TBC1D2B: variants seen among roughly 807,000 people sequenced by gnomAD.
TBC1D2B encodes TBC1 domain family, member 2B.
In TBC1D2B, 64 loss-of-function variants were observed where a neutral mutation model predicts 100.8. The observed-to-expected ratio is 0.64, with a 90% CI of 0.52 to 0.78. TBC1D2B has a LOEUF of 0.78. Ranked by LOEUF, TBC1D2B falls within the 30% of genes least tolerant of loss-of-function variation. The pLI is 0.00. For synonymous variants in TBC1D2B, 480 were observed against 479.7 expected, an observed-to-expected ratio of 1.00 and a Z score of -0.01; for missense variants, 1,052 against 1,218.4, an observed-to-expected ratio of 0.86 and a Z score of 2.03.
intron 3 of TBC1D2B, chr15:78,034,713 T>A (rs1313858525): frequency 7.1e-6 from 7 of 985,458 alleles, no homozygotes; most frequent in Non-Finnish European, 7.2e-6. Flanking sequence ...ACAGCCTTGC[T>A]GGAGGTGCGG....
At chr15:78,070,740 G>A (rs1396448855) in intron 1 of TBC1D2B, among the ~76,000 whole-genome samples, 1 of 152,118 alleles carries the variant, frequency 6.6e-6, no homozygotes, top group Non-Finnish European at 1.5e-5. Context: ...TCACTGCAAT[G>A]TCCACCTCCT....
chr15:78,024,216 C>A lies in TBC1D2B; in HGVS notation c.1410G>T (p.Ala470=), dbSNP rs201179221. The A allele has an allele frequency of 6.2e-7, 1 of 1,613,712 alleles. No individual in the cohort carries two copies. The highest frequency in any genetic ancestry group is 1.3e-5 in the African/African-American group (1 of 74,944). The change falls in exon 6 of 13, where the codon GCG becomes GCT. Residue 470 remains alanine (A), a synonymous_variant. Transcript: ENST00000300584. ...GEGNGPPPTV[A]PSSPSVVPVA... is the part of the protein sequence containing the mutation. ...CAGGCACAACCGAAGGGGAGCTGGG[C>A]GCCACGGTGGGAGGAGGCCCGTTGC...
chr15:78,049,020 T>G (rs1194151159), intron 2 of TBC1D2B, among the ~76,000 whole-genome samples: 1 of 152,092 alleles, frequency 6.6e-6, no homozygotes, highest in Admixed American at 6.5e-5. Flanking sequence ...ACACTGGGAG[T>G]TGGAGGAAGA....
chr15:78,075,931 C>T (rs543819303), intron 1 of TBC1D2B, among the ~76,000 whole-genome samples: 1 of 152,310 alleles, frequency 6.6e-6, no homozygotes, highest in South Asian at 2.1e-4. Flanking sequence ...CTAGTCTGCT[C>T]TCCGTGTGGC....
chr15:78,074,940 G>C (rs2073805087), intron 1 of TBC1D2B, among the ~76,000 whole-genome samples: 2 of 152,126 alleles, frequency 1.3e-5, no homozygotes, highest in South Asian at 4.1e-4. Flanking sequence ...ATGCCATGTA[G>C]TGCCTACTAT....
intron 2 of TBC1D2B, among the ~76,000 whole-genome samples, chr15:78,048,993 C>A (rs1373003778): frequency 6.6e-6 from 1 of 152,208 alleles, no homozygotes; most frequent in East Asian, 1.9e-4. Flanking sequence ...ACACAGCAAA[C>A]GAAAGTCTGG....
chr15:77,999,734 A>G (rs1408094435), intron 12 of TBC1D2B, among the ~76,000 whole-genome samples: 1 of 152,146 alleles, frequency 6.6e-6, no homozygotes, highest in Non-Finnish European at 1.5e-5. Context: ...CCGAAGTATA[A>G]TTCTTCATTT....
intron 8 of TBC1D2B, among the ~76,000 whole-genome samples, chr15:78,015,070 G>A (rs553243944): frequency 1.3e-5 from 2 of 152,156 alleles, no homozygotes; most frequent in East Asian, 1.9e-4. Context: ...GCGTGGTGGT[G>A]GGCGCCTGTA....
chr15:78,077,659 C>G lies in TBC1D2B; in HGVS notation c.-7G>C. ...GGGCTCCGGCCCCCGGCATCGCTAC[C>G]GCGCGCCAACCGTAGGCGCCCGCGC... On this transcript the variant is annotated 5_prime_UTR_variant, in exon 1 of 13. Coordinates refer to ENST00000300584, the MANE Select transcript of TBC1D2B (RefSeq NM_144572.2). 2 of 987,578 alleles carry G rather than the reference C, an allele frequency of 2.0e-6. No individual in the cohort carries two copies. 61.2% of individuals were successfully genotyped at this position (987,578 alleles called of 1,614,324 possible).
chr15:78,044,836 T>C, intron 3 of TBC1D2B, 64 bp downstream of exon 3: 1 of 1,375,140 alleles, frequency 7.3e-7, no homozygotes, highest in Non-Finnish European at 9.9e-7. Context: ...ATTTATAAAA[T>C]TATAACATAC....
chr15:78,056,321 T>C (rs2073420829), intron 1 of TBC1D2B, among the ~76,000 whole-genome samples: 2 of 152,204 alleles, frequency 1.3e-5, no homozygotes, highest in South Asian at 4.1e-4. Context: ...GACCTGGCCC[T>C]GAAGGGACTT....
At chr15:78,020,340 C>T (rs1312925335) in intron 6 of TBC1D2B, among the ~76,000 whole-genome samples, 1 of 152,150 alleles carries the variant, frequency 6.6e-6, no homozygotes, top group Non-Finnish European at 1.5e-5. Flanking sequence ...TAACATCAGC[C>T]GCCATGTATG....
chr15:78,074,514 T>C (rs1221527655), intron 1 of TBC1D2B, among the ~76,000 whole-genome samples: 1 of 152,136 alleles, frequency 6.6e-6, no homozygotes, highest in African/African-American at 2.4e-5. Context: ...TACAAAAAGA[T>C]GGATAGCATA....
At chr15:77,999,139 T>C in intron 12 of TBC1D2B, 1 of 368,332 alleles carries the variant, frequency 2.7e-6, no homozygotes, top group Non-Finnish European at 5.5e-6. Context: ...TTCCCCTCTC[T>C]GGATTCTGCC....
chr15:78,039,622 G>C (rs2073026770), intron 3 of TBC1D2B, among the ~76,000 whole-genome samples: 1 of 152,128 alleles, frequency 6.6e-6, no homozygotes, highest in Non-Finnish European at 1.5e-5. Context: ...GGTAACAACA[G>C]TGGCAGCAAT....
chr15:78,070,979 C>T (rs1459373773), intron 1 of TBC1D2B, among the ~76,000 whole-genome samples: 1 of 152,204 alleles, frequency 6.6e-6, no homozygotes, highest in Non-Finnish European at 1.5e-5. Flanking sequence ...TCCGCCACCA[C>T]ACCCAGCTAA....
intron 6 of TBC1D2B, among the ~76,000 whole-genome samples, chr15:78,023,952 G>C (rs2072583143): frequency 6.6e-6 from 1 of 152,176 alleles, no homozygotes; most frequent in Non-Finnish European, 1.5e-5. Flanking sequence ...ACTGTTCAAA[G>C]CAACAGCAAG....
chr15:78,051,673 T>C (rs2073316849), intron 2 of TBC1D2B, among the ~76,000 whole-genome samples: 1 of 152,250 alleles, frequency 6.6e-6, no homozygotes, highest in Non-Finnish European at 1.5e-5. Context: ...GTTTTATTTT[T>C]AATGCAAATC....
intron 3 of TBC1D2B, among the ~76,000 whole-genome samples, chr15:78,038,125 C>G (rs2072991942): frequency 6.6e-6 from 1 of 152,194 alleles, no homozygotes; most frequent in Non-Finnish European, 1.5e-5. Context: ...CTGGAAGGGT[C>G]TGGAGCCTTC....
Sources: allele counts gnomAD v4.1 joint callset (sites outside exome capture counted in the v4.1 genomes callset), GRCh38; gene constraint gnomAD v4.1.1; transcripts MANE v1.5; gene names NCBI Gene and HGNC (gene_info 2026-07-23, HGNC 2026-07-21).